Variants in CADM2 observed in about 807,000 individuals in gnomAD.
The protein encoded by CADM2 is immunoglobulin superfamily member 4D.
Under a neutral mutation model 49.8 loss-of-function variants are expected in CADM2, and 12 were observed. That is an observed-to-expected ratio of 0.24 (90% CI 0.15 to 0.39). CADM2 has a LOEUF of 0.39. Ranked by LOEUF, CADM2 falls within the 10% of genes least tolerant of loss-of-function variation. The pLI is 1.00. For missense variants in CADM2, 378 were observed against 492.3 expected (o/e 0.77, Z 2.20); for synonymous variants, 214 against 175.4 (o/e 1.22, Z -1.74).
chr3:85,891,144 C>G (rs1374325889), intron 5 of CADM2, among the ~76,000 whole-genome samples: 2 of 152,108 alleles, frequency 1.3e-5, no homozygotes, highest in African/African-American at 4.8e-5. Flanking sequence ...AGAGCTGCAT[C>G]CAAAACCACA....
At chr3:85,509,120 T>C (rs191287392) in intron 1 of CADM2, among the ~76,000 whole-genome samples, 2 of 152,256 alleles carry the variant, frequency 1.3e-5, no homozygotes, top group South Asian at 2.1e-4. Context: ...TATGGGACGC[T>C]AACCAAATCT....
chr3:85,938,156 C>T (rs2108544550), intron 7 of CADM2, among the ~76,000 whole-genome samples: 1 of 152,092 alleles, frequency 6.6e-6, no homozygotes, highest in East Asian at 1.9e-4. Flanking sequence ...ACTGTCTTCT[C>T]CATTAGATGA....
chr3:85,234,066 A>G (rs960921501), intron 1 of CADM2, among the ~76,000 whole-genome samples: 6 of 152,002 alleles, frequency 3.9e-5, no homozygotes, highest in Admixed American at 2.0e-4. Flanking sequence ...AGGTACTATT[A>G]TTTTCCCTGT....
chr3:85,921,389 T>G (rs1181236925), intron 6 of CADM2, among the ~76,000 whole-genome samples: 1 of 151,932 alleles, frequency 6.6e-6, no homozygotes, highest in Non-Finnish European at 1.5e-5. Context: ...CTGTAATAAA[T>G]CAATGTATTA....
intron 3 of CADM2, among the ~76,000 whole-genome samples, chr3:85,856,578 A>G (rs531356682): frequency 4.7e-4 from 71 of 152,334 alleles, no homozygotes; most frequent in African/African-American, 1.6e-3. Context: ...TTACTATCAG[A>G]AATATGGTCA....
chr3:85,124,255 A>G (rs532207844), intron 1 of CADM2, among the ~76,000 whole-genome samples: 1 of 152,354 alleles, frequency 6.6e-6, no homozygotes, highest in South Asian at 2.1e-4. Context: ...AGATTTACAT[A>G]TACAGATATT....
chr3:85,039,643 G>T (rs746795408), intron 1 of CADM2, among the ~76,000 whole-genome samples: 2 of 152,092 alleles, frequency 1.3e-5, no homozygotes, highest in Non-Finnish European at 2.9e-5. Flanking sequence ...TTAGTCCCAT[G>T]TATACTATCT....
chr3:85,172,458 ATAT>A (rs1250998608), intron 1 of CADM2, among the ~76,000 whole-genome samples: 1 of 152,198 alleles, frequency 6.6e-6, no homozygotes, highest in East Asian at 1.9e-4. Flanking sequence ...AATCAAATGC[ATAT>A]TATTTGTAGA....
At chr3:85,224,226 TA>T (rs973276561) in intron 1 of CADM2, among the ~76,000 whole-genome samples, 13 of 152,214 alleles carry the variant, frequency 8.5e-5, no homozygotes, top group African/African-American at 2.4e-4. Context: ...GCCAACAATG[TA>T]AAAGCATTGC....
intron 3 of CADM2, among the ~76,000 whole-genome samples, chr3:85,870,705 A>T (rs1009285901): frequency 1.3e-5 from 2 of 152,210 alleles, no homozygotes; most frequent in African/African-American, 4.8e-5. Context: ...TGCTACAATG[A>T]ACAAAATGTA....
intron 8 of CADM2, among the ~76,000 whole-genome samples, chr3:86,045,502 C>G (rs1736551568): frequency 6.6e-6 from 1 of 152,108 alleles, no homozygotes; most frequent in Non-Finnish European, 1.5e-5. Context: ...CTCAACTGCC[C>G]TGAAATATGT....
At chr3:85,541,101 A>C (rs2061527653) in intron 1 of CADM2, among the ~76,000 whole-genome samples, 1 of 151,352 alleles carries the variant, frequency 6.6e-6, no homozygotes, top group Admixed American at 6.6e-5. Flanking sequence ...TTATTATAAT[A>C]AAATATAATC....
chr3:85,858,755 T>G (rs1262400164), intron 3 of CADM2, among the ~76,000 whole-genome samples: 1 of 152,248 alleles, frequency 6.6e-6, no homozygotes, highest in Non-Finnish European at 1.5e-5. Flanking sequence ...TGCATGTTGC[T>G]GGGCTTTGCT....
At chr3:85,628,132 C>T (rs2064180567) in intron 1 of CADM2, among the ~76,000 whole-genome samples, 1 of 151,932 alleles carries the variant, frequency 6.6e-6, no homozygotes, top group Admixed American at 6.6e-5. Context: ...TATACTGAAT[C>T]GTAATGAATG....
chr3:85,879,186 T>C (rs1025698952), intron 3 of CADM2, among the ~76,000 whole-genome samples: 5 of 151,902 alleles, frequency 3.3e-5, no homozygotes, highest in African/African-American at 1.2e-4. Context: ...CCTACTACTT[T>C]CCTCTGGCAG....
chr3:85,687,768 A>G (rs2066258387), intron 1 of CADM2, among the ~76,000 whole-genome samples: 1 of 152,146 alleles, frequency 6.6e-6, no homozygotes, highest in Non-Finnish European at 1.5e-5. Flanking sequence ...AACTATCCAG[A>G]GATAGTTTTT....
intron 1 of CADM2, among the ~76,000 whole-genome samples, chr3:85,522,187 C>A (rs1424369646): frequency 1.3e-5 from 2 of 152,044 alleles, no homozygotes; most frequent in African/African-American, 2.4e-5. Context: ...ACGATATTAT[C>A]CGTCCCCTTC....
At chr3:85,639,452 A>C (rs2064636846) in intron 1 of CADM2, among the ~76,000 whole-genome samples, 1 of 152,144 alleles carries the variant, frequency 6.6e-6, no homozygotes, top group African/African-American at 2.4e-5. Flanking sequence ...TGGTGAAACA[A>C]ACTTCTCCAT....
At chr3:85,494,086 T>C (rs2039786271) in intron 1 of CADM2, among the ~76,000 whole-genome samples, 1 of 152,172 alleles carries the variant, frequency 6.6e-6, no homozygotes, top group East Asian at 1.9e-4. Context: ...CTTTTCTTTA[T>C]AAACTTTTCG....
Sources: gnomAD v4.1 joint callset for allele counts (sites outside exome capture counted in the v4.1 genomes callset) on GRCh38, gnomAD v4.1.1 for gene constraint, MANE v1.5 for transcripts, NCBI Gene and HGNC (gene_info 2026-07-23, HGNC 2026-07-21) for gene names.